Variants in GLG1 observed in about 807,000 individuals in gnomAD.
GLG1 encodes golgi glycoprotein 1.
Under a neutral mutation model 160.5 loss-of-function variants are expected in GLG1, and 38 were observed. The ratio of observed to expected loss-of-function variants is 0.24; its 90% CI spans 0.18 to 0.31. The LOEUF is 0.31. Among genes scored for constraint, GLG1 ranks in the 10% least tolerant of loss-of-function variants. The pLI is 1.00. For missense variants in GLG1, 1,373 were observed against 1,505.2 expected, an observed-to-expected ratio of 0.91 and a Z score of 1.45; for synonymous variants, 644 against 543.4, an observed-to-expected ratio of 1.19 and a Z score of -2.57.
At chr16:74,496,734 AC>A (rs2016203852) in intron 4 of GLG1, 90 bp from the exon 5 acceptor site, 1 of 762,832 alleles carries the variant, frequency 1.3e-6, no homozygotes, top group East Asian at 2.5e-5. Context: ...ACACACACAC[AC>A]ACACACACAC....
chr16:74,605,656 G>A (rs182609052), intron 1 of GLG1, among the ~76,000 whole-genome samples: 88 of 152,188 alleles, frequency 5.8e-4, no homozygotes, highest in African/African-American at 2.0e-3. Context: ...AACACGAGAT[G>A]AAGGGGGGAA....
chr16:74,511,069 C>G (rs2016788580), intron 2 of GLG1, among the ~76,000 whole-genome samples: 1 of 152,120 alleles, frequency 6.6e-6, no homozygotes, highest in African/African-American at 2.4e-5. Context: ...CGAGGAGCCT[C>G]AAGCCAGGCC....
chr16:74,585,990 G>C (rs770019069), intron 1 of GLG1, among the ~76,000 whole-genome samples: 1 of 148,798 alleles, frequency 6.7e-6, no homozygotes, highest in African/African-American at 2.5e-5. Context: ...TTGAACTCGG[G>C]AGGCAAAGGC....
At chr16:74,596,373 A>G (rs951330577) in intron 1 of GLG1, among the ~76,000 whole-genome samples, 2 of 151,924 alleles carry the variant, frequency 1.3e-5, no homozygotes, top group Non-Finnish European at 2.9e-5. Context: ...TACTAAAAAT[A>G]CAAAAATTAG....
chr16:74,487,531 T>C (rs1267840595), intron 8 of GLG1, among the ~76,000 whole-genome samples: 4 of 152,200 alleles, frequency 2.6e-5, no homozygotes, highest in Non-Finnish European at 5.9e-5. Flanking sequence ...AAGTTATTTA[T>C]ACCAAAAATT....
At chr16:74,547,238 A>C (rs2018073791) in intron 1 of GLG1, among the ~76,000 whole-genome samples, 1 of 151,142 alleles carries the variant, frequency 6.6e-6, no homozygotes. Context: ...TCTTTTCCTT[A>C]CTTTACCAAT....
Position 74,483,064 on chromosome 16 carries a change from G to C in GLG1, c.1632C>G (p.His544Gln), listed in dbSNP as rs1242167418. Residue 544 changes from histidine (H) to glutamine (Q), a missense_variant, in exon 10 of 26, where the codon CAC becomes CAG. Transcript: ENST00000422840. ...YTEKMVEDCE[H>Q]RLLELQYFIS... is the part of the protein sequence containing the mutation. Reference sequence around the variant, plus strand: ...TGAAATACTGCAGCTCTAAGAGACGGTGTTCACAGTCTTCTACCATCTTCT... The same window carrying C: ...TGAAATACTGCAGCTCTAAGAGACGCTGTTCACAGTCTTCTACCATCTTCT... 6.2e-7 allele frequency: 1 copy of C among 1,610,228 alleles called. No individual in the cohort carries two copies. The highest frequency in any genetic ancestry group is 8.5e-7 in the Non-Finnish European group (1 of 1,176,722).
At chr16:74,591,501 G>GC (rs1011601566) in intron 1 of GLG1, among the ~76,000 whole-genome samples, 2 of 150,500 alleles carry the variant, frequency 1.3e-5, no homozygotes, top group African/African-American at 4.9e-5. Flanking sequence ...GGTGGCGGGT[G>GC]CCCGTAGTCC....
chr16:74,472,503 T>C (rs2143256482), intron 13 of GLG1, 92 bp from the exon 14 acceptor site: 11 of 1,344,210 alleles, frequency 8.2e-6, no homozygotes, highest in Non-Finnish European at 9.3e-6. Flanking sequence ...TAATATCTGA[T>C]GGGCAAATAA....
At chr16:74,516,146 C>T (rs549250788) in intron 2 of GLG1, among the ~76,000 whole-genome samples, 3 of 151,518 alleles carry the variant, frequency 2.0e-5, no homozygotes, top group South Asian at 2.1e-4. Context: ...GACAGATCAA[C>T]GAGACAGAAA....
intron 4 of GLG1, among the ~76,000 whole-genome samples, 155 bp from the exon 5 acceptor site, chr16:74,496,799 A>G (rs1457745491): frequency 6.6e-6 from 1 of 152,104 alleles, no homozygotes; most frequent in African/African-American, 2.4e-5. Flanking sequence ...CTACCAAGAA[A>G]TCAAGTAAGA....
rs564034617 is a variant in GLG1 at position 74,595,112 on chromosome 16, C to T, written c.438+11545G>A. Among the ~76,000 whole-genome samples, 6 of 151,204 alleles carry T rather than the reference C, an allele frequency of 4.0e-5. No individual in the cohort carries two copies. The East Asian group carries it at 9.8e-4, about 25-fold the overall frequency. ...CTGAGGCAGGAGAACGGCATGAACC[C>T]GGGAGGCGGAGCTTGCAGTGAGCGG... On this transcript the variant is annotated intron_variant, in intron 1 of 25. Transcript: ENST00000422840.
At chr16:74,594,394 A>G (rs766300599) in intron 1 of GLG1, among the ~76,000 whole-genome samples, 2 of 152,212 alleles carry the variant, frequency 1.3e-5, no homozygotes, top group Non-Finnish European at 2.9e-5. Flanking sequence ...CATTCAGTCA[A>G]ACAAAACTTT....
intron 3 of GLG1, among the ~76,000 whole-genome samples, chr16:74,507,104 T>C (rs1299365568): frequency 1.3e-5 from 2 of 152,134 alleles, no homozygotes; most frequent in African/African-American, 2.4e-5. Context: ...AGAATGAAAA[T>C]ACAGAATGAA....
intron 9 of GLG1, among the ~76,000 whole-genome samples, chr16:74,483,818 C>T (rs1395865065): frequency 2.6e-5 from 4 of 151,968 alleles, no homozygotes; most frequent in African/African-American, 4.8e-5. Context: ...CCACCACGCC[C>T]GGCTAATTTT....
intron 14 of GLG1, among the ~76,000 whole-genome samples, chr16:74,471,526 C>T (rs1237840288): frequency 1.3e-5 from 2 of 151,948 alleles, no homozygotes; most frequent in South Asian, 2.1e-4. Flanking sequence ...TTTCACTTTC[C>T]GAAAAGCAGC....
At chr16:74,606,551 G>A (rs1474087851) in intron 1 of GLG1, 106 bp downstream of exon 1, 3 of 942,168 alleles carry the variant, frequency 3.2e-6, no homozygotes, top group African/African-American at 1.7e-5. Flanking sequence ...GTGCAGCACA[G>A]AGGAAGCAAG....
At chr16:74,559,550 T>C (rs2143731792) in intron 1 of GLG1, among the ~76,000 whole-genome samples, 1 of 152,274 alleles carries the variant, frequency 6.6e-6, no homozygotes, top group East Asian at 1.9e-4. Context: ...CTCTGTCCTC[T>C]TTAGGCCAGG....
chr16:74,501,250 G>C (rs1451457413), intron 4 of GLG1, among the ~76,000 whole-genome samples: 1 of 152,188 alleles, frequency 6.6e-6, no homozygotes, highest in East Asian at 1.9e-4. Context: ...GAATGATATA[G>C]GAAGGAAGGT....
Sources: allele counts gnomAD v4.1 joint callset (sites outside exome capture counted in the v4.1 genomes callset), GRCh38; gene constraint gnomAD v4.1.1; transcripts MANE v1.5; gene names NCBI Gene and HGNC (gene_info 2026-07-23, HGNC 2026-07-21).